The following AK7 variants were observed in gnomAD, a reference collection of about 807,000 sequenced individuals.
The protein encoded by AK7 is ATP-AMP transphosphorylase 7.
AK7 carries 78 observed loss-of-function variants against 96.6 expected under a neutral mutation model. The ratio of observed to expected loss-of-function variants is 0.81; its 90% confidence interval spans 0.67 to 0.97. AK7 has a LOEUF of 0.97. Ranked by LOEUF, AK7 falls within the 50% of genes least tolerant of loss-of-function variation. The pLI is 0.00. For synonymous variants in AK7, 302 were observed against 317.2 expected, an observed-to-expected ratio of 0.95 and a Z score of 0.51; for missense variants, 855 against 887.9, an observed-to-expected ratio of 0.96 and a Z score of 0.47.
chr14:96,469,337 A>G (rs1481702748), intron 12 of AK7, among the ~76,000 whole-genome samples: 1 of 152,174 alleles, frequency 6.6e-6, no homozygotes, highest in African/African-American at 2.4e-5. Flanking sequence ...CCTGACCAAC[A>G]TGGCAAAACC....
At chr14:96,429,425 C>T (rs932266250) in intron 5 of AK7, among the ~76,000 whole-genome samples, 4 of 152,052 alleles carry the variant, frequency 2.6e-5, no homozygotes, top group East Asian at 1.9e-4. Flanking sequence ...TTTTTGCTTA[C>T]GATTGTCTTG....
intron 7 of AK7, among the ~76,000 whole-genome samples, chr14:96,445,469 G>C (rs987250239): frequency 2.6e-5 from 4 of 152,136 alleles, no homozygotes; most frequent in South Asian, 2.1e-4. Flanking sequence ...GGACCAGGCT[G>C]GACAACATAG....
chr14:96,479,202 G>A (rs1334842870), intron 15 of AK7, among the ~76,000 whole-genome samples: 5 of 151,770 alleles, frequency 3.3e-5, no homozygotes, highest in African/African-American at 9.7e-5. Flanking sequence ...TCAGCCTCCC[G>A]AGTAGCTGGG....
intron 11 of AK7, chr14:96,457,054 C>CTTTTTTTTTTTTTT (rs35838636): frequency 2.3e-5 from 2 of 86,722 alleles, no homozygotes; most frequent in African/African-American, 4.2e-5. Context: ...TGTAAAATGG[C>CTTTTTTTTTTTTTT]TTTTTTTTTT....
At chr14:96,486,286 G>A (rs2140185624) in intron 16 of AK7, among the ~76,000 whole-genome samples, 1 of 152,304 alleles carries the variant, frequency 6.6e-6, no homozygotes, top group Admixed American at 6.5e-5. Flanking sequence ...CACCTACCAT[G>A]CATGGCAGGG....
chr14:96,447,078 T>A lies in AK7; in HGVS notation c.870+471T>A, dbSNP rs568646075. On this transcript the variant is annotated intron_variant, in intron 8 of 17. Transcript: ENST00000267584. ...CACTATCTGCATTTGCAGTATATAC[T>A]TTGAGGTTACTACCAAAATAGCCTT... is the stretch of plus-strand genomic sequence containing the variant. Among the ~76,000 whole-genome samples the A allele has an allele frequency of 3.3e-5, 5 of 152,348 alleles. No individual in the cohort carries two copies. The East Asian group carries it at 9.6e-4, about 29-fold the overall frequency.
chr14:96,406,962 A>G (rs7159219), intron 3 of AK7, among the ~76,000 whole-genome samples: 5,931 of 152,298 alleles, frequency 0.039, 155 homozygotes, highest in Middle Eastern at 0.051. Context: ...GTGAACCACC[A>G]CACCCAGCTA....
intron 6 of AK7, among the ~76,000 whole-genome samples, chr14:96,439,190 T>G (rs1195634495): frequency 6.6e-6 from 1 of 152,082 alleles, no homozygotes; most frequent in Non-Finnish European, 1.5e-5. Context: ...CAGTGGGTAC[T>G]TAAATCCTTG....
intron 12 of AK7, among the ~76,000 whole-genome samples, chr14:96,465,184 G>A (rs965202816): frequency 2.6e-5 from 4 of 152,254 alleles, no homozygotes; most frequent in Admixed American, 1.3e-4. Context: ...AAATAAGAAC[G>A]GGTGCCGTGG....
At chr14:96,461,565 T>G (rs1894250080) in intron 12 of AK7, among the ~76,000 whole-genome samples, 1 of 152,128 alleles carries the variant, frequency 6.6e-6, no homozygotes, top group South Asian at 2.1e-4. Context: ...CTAACAGGAC[T>G]CAGCAAACAT....
At chr14:96,400,528 C>G (rs1311328257) in intron 2 of AK7, among the ~76,000 whole-genome samples, 1 of 152,206 alleles carries the variant, frequency 6.6e-6, no homozygotes, top group African/African-American at 2.4e-5. Context: ...CAGAGCTGAT[C>G]CACAGGCTCC....
At chr14:96,482,259 A>G (rs1895543584) in intron 15 of AK7, among the ~76,000 whole-genome samples, 1 of 152,114 alleles carries the variant, frequency 6.6e-6, no homozygotes, top group African/African-American at 2.4e-5. Flanking sequence ...ACAATAAAAA[A>G]CAAACATGGG....
At chr14:96,448,216 G>T (rs1388373035) in intron 8 of AK7, among the ~76,000 whole-genome samples, 2 of 151,956 alleles carry the variant, frequency 1.3e-5, no homozygotes, top group Non-Finnish European at 2.9e-5. Flanking sequence ...CGCGACAGGT[G>T]TCTCTCTTCA....
chr14:96,413,649 CT>C (rs1313239427), intron 4 of AK7, among the ~76,000 whole-genome samples: 1 of 152,212 alleles, frequency 6.6e-6, no homozygotes, highest in Non-Finnish European at 1.5e-5. Context: ...GTAAACAGTC[CT>C]GTTATTAAAC....
chr14:96,441,654 A>AG (rs1158463150), intron 6 of AK7, among the ~76,000 whole-genome samples: 1 of 151,408 alleles, frequency 6.6e-6, no homozygotes, highest in Non-Finnish European at 1.5e-5. Context: ...AAAAAAAAAA[A>AG]AAAAAAAAGA....
chr14:96,428,562 T>G (rs1158145737), intron 5 of AK7, among the ~76,000 whole-genome samples: 1 of 152,218 alleles, frequency 6.6e-6, no homozygotes, highest in East Asian at 1.9e-4. Context: ...ATGGTTGAAC[T>G]AGTTTGCAGT....
chr14:96,406,221 A>T (rs1899589), intron 3 of AK7, among the ~76,000 whole-genome samples: 9,184 of 152,132 alleles, frequency 0.06, 349 homozygotes, highest in South Asian at 0.1. Flanking sequence ...CCGGCCAAGC[A>T]ACCTCATTTA....
rs1370623272 is a variant in AK7, at chr14:96,478,634, T to A, written c.1725T>A (p.Asp575Glu). Residue 575 changes from aspartate to glutamate, a missense_variant, in exon 15 of 18, where the codon GAT becomes GAA. Asp to Glu is a conservative substitution (Grantham distance 45). Coordinates refer to ENST00000267584, the MANE Select transcript of AK7 (RefSeq NM_152327.5). ...IDDETVFNYFDELEIHPIHID... is the reference protein window; with the variant it reads ...IDDETVFNYFEELEIHPIHID... ...ATGAGACTGTCTTCAACTATTTTGATGAACTTGAAATTCACCCGATACATA... is the reference window on the plus strand; with the variant it reads ...ATGAGACTGTCTTCAACTATTTTGAAGAACTTGAAATTCACCCGATACATA... 1 of 1,614,116 alleles carries A rather than the reference T, an allele frequency of 6.2e-7. No individual in the cohort carries two copies. The highest frequency in any genetic ancestry group is 8.5e-7 in the Non-Finnish European group (1 of 1,180,020).
In AK7 at chr14:96,419,694, AC is replaced by A. The variant is rs561822762; in HGVS notation, c.499-1126del. On this transcript the variant is annotated intron_variant, in intron 4 of 17. Coordinates refer to ENST00000267584, the MANE Select transcript of AK7 (RefSeq NM_152327.5). ...TATGGAATCTCAGTGGCAACCTGCT[AC>A]CATCTCTGTGAAAGACTTTTAGTTT... Among the ~76,000 whole-genome samples the A allele has an allele frequency of 5.0e-3, 767 of 152,038 alleles. 4 individuals are homozygous for A. Among genetic ancestry groups the A allele is most frequent in the African/African-American group, 0.017 (717 of 41,486 alleles).
Sources: gnomAD v4.1 joint callset for allele counts (sites outside exome capture counted in the v4.1 genomes callset) on GRCh38, gnomAD v4.1.1 for gene constraint, MANE v1.5 for transcripts, NCBI Gene and HGNC (gene_info 2026-07-23, HGNC 2026-07-21) for gene names.